The following CHRM2 variants were observed in gnomAD, a reference collection of about 807,000 sequenced individuals.
CHRM2 encodes the protein cholinergic receptor muscarinic 2, also known as muscarinic acetylcholine receptor M2.
A neutral mutation model predicts 25.0 loss-of-function variants in CHRM2; 8 were observed. The ratio of observed to expected loss-of-function variants is 0.32; its 90% CI spans 0.19 to 0.58. The LOEUF (loss-of-function observed/expected upper bound fraction) is 0.58. Among genes scored for constraint, CHRM2 ranks in the 20% least tolerant of loss-of-function variants. The pLI is 0.88. For missense variants in CHRM2, 440 were observed against 567.1 expected (o/e 0.78, Z 2.28); for synonymous variants, 202 against 205.7 (o/e 0.98, Z 0.15).
At chr7:136,898,881 T>C (rs1208735852) in intron 2 of CHRM2, 1 of 152,048 alleles carries the variant, frequency 6.6e-6, no homozygotes, top group Non-Finnish European at 1.5e-5. Flanking sequence ...AAATCTGGTT[T>C]CTAACATAAG....
chr7:137,002,628 T>C (rs970398604), intron 3 of CHRM2, among the ~76,000 whole-genome samples: 1 of 152,194 alleles, frequency 6.6e-6, no homozygotes, highest in African/African-American at 2.4e-5. Context: ...ATTGAAGATA[T>C]CATTTCAGCA....
At chr7:137,005,662 A>G (rs903793431) in intron 3 of CHRM2, among the ~76,000 whole-genome samples, 1 of 152,114 alleles carries the variant, frequency 6.6e-6, no homozygotes, top group Non-Finnish European at 1.5e-5. Context: ...ATGGGCACAT[A>G]GACCATTGAA....
At chr7:136,930,898 CAAAAAAAAAAAAA>C (rs57705639) in intron 2 of CHRM2, among the ~76,000 whole-genome samples, 19,926 of 61,770 alleles carry the variant, frequency 0.32, 2,516 homozygotes, top group African/African-American at 0.42. Context: ...CTCATTCTCT[CAAAAAAAAAAAAA>C]AAAAAAAAAA....
At chr7:136,873,376 A>G (rs139189935) in intron 2 of CHRM2, among the ~76,000 whole-genome samples, 1 of 152,224 alleles carries the variant, frequency 6.6e-6, no homozygotes, top group Non-Finnish European at 1.5e-5. Context: ...CCTTGGCATT[A>G]TTCTAAGCAT....
At chr7:136,925,016 AG>A (rs1201064851) in intron 2 of CHRM2, among the ~76,000 whole-genome samples, 1 of 152,178 alleles carries the variant, frequency 6.6e-6, no homozygotes, top group African/African-American at 2.4e-5. Flanking sequence ...ACTGAATACA[AG>A]GTATTGTGTG....
intron 2 of CHRM2, among the ~76,000 whole-genome samples, chr7:136,907,324 C>T (rs1797610586): frequency 6.6e-6 from 1 of 151,908 alleles, no homozygotes; most frequent in African/African-American, 2.4e-5. Flanking sequence ...TGTGTATTAG[C>T]CAGTTCATAA....
At chr7:136,906,073 T>A (rs1797522963) in intron 2 of CHRM2, among the ~76,000 whole-genome samples, 1 of 151,192 alleles carries the variant, frequency 6.6e-6, no homozygotes, top group Non-Finnish European at 1.5e-5. Flanking sequence ...ATAATTTTTT[T>A]ATATATGTAA....
chr7:136,881,344 T>G (rs545913418), intron 2 of CHRM2, among the ~76,000 whole-genome samples: 1 of 151,926 alleles, frequency 6.6e-6, no homozygotes, highest in South Asian at 2.1e-4. Flanking sequence ...CCCTTCTTTT[T>G]AGCACTGAAT....
intron 3 of CHRM2, among the ~76,000 whole-genome samples, chr7:137,006,640 ATTTTC>A (rs1467264213): frequency 6.6e-6 from 1 of 151,800 alleles, no homozygotes; most frequent in African/African-American, 2.4e-5. Context: ...CTGTTCTATA[ATTTTC>A]TTTTACATTT....
chr7:136,959,740 G>A (rs1358900402), intron 2 of CHRM2, among the ~76,000 whole-genome samples: 4 of 151,972 alleles, frequency 2.6e-5, no homozygotes, highest in Admixed American at 6.6e-5. Context: ...GGAGAAGCAC[G>A]ATCTCTACTA....
chr7:137,014,774 C>A (rs1805060288), intron 3 of CHRM2, 46 bp from the exon 4 acceptor site: 2 of 1,154,332 alleles, frequency 1.7e-6, no homozygotes, highest in Admixed American at 3.8e-5. Flanking sequence ...GTATTTTAAA[C>A]CAATGTTTAT....
At chr7:136,954,139 G>C (rs1800580325) in intron 2 of CHRM2, among the ~76,000 whole-genome samples, 1 of 152,114 alleles carries the variant, frequency 6.6e-6, no homozygotes, top group Non-Finnish European at 1.5e-5. Flanking sequence ...AAGAGGAAAT[G>C]ATCCAAGGCC....
intron 2 of CHRM2, chr7:136,903,219 G>A (rs370629030): frequency 3.7e-6 from 2 of 534,296 alleles, no homozygotes; most frequent in Non-Finnish European, 7.7e-6. Flanking sequence ...GGATCTCCAG[G>A]TGGGTCAAGT....
At chr7:136,997,882 G>C (rs1803711187) in intron 3 of CHRM2, among the ~76,000 whole-genome samples, 3 of 152,142 alleles carry the variant, frequency 2.0e-5, no homozygotes. Context: ...TAAGTCATCA[G>C]ATCACTATTT....
At chr7:136,944,214 A>G (rs567147097) in intron 2 of CHRM2, among the ~76,000 whole-genome samples, 2 of 152,122 alleles carry the variant, frequency 1.3e-5, no homozygotes, top group South Asian at 2.1e-4. Flanking sequence ...ACTGTACCCA[A>G]TGTGTCGTCT....
At chr7:136,883,958 T>C (rs1418155644) in intron 2 of CHRM2, among the ~76,000 whole-genome samples, 3 of 152,192 alleles carry the variant, frequency 2.0e-5, no homozygotes, top group Non-Finnish European at 4.4e-5. Context: ...CCAGATATTC[T>C]GGAAATATAA....
chr7:136,932,720 T>C (rs1799177989), intron 2 of CHRM2, among the ~76,000 whole-genome samples: 1 of 152,196 alleles, frequency 6.6e-6, no homozygotes, highest in African/African-American at 2.4e-5. Context: ...GTCTGATTTA[T>C]TGGATATGAC....
chr7:136,960,651 G>A (rs1801013939), intron 2 of CHRM2, among the ~76,000 whole-genome samples: 1 of 152,304 alleles, frequency 6.6e-6, no homozygotes, highest in Non-Finnish European at 1.5e-5. Context: ...CTGCTAACAT[G>A]AGATTTGACA....
chr7:137,018,606 G>A lies in CHRM2; in HGVS notation c.*2340G>A, dbSNP rs1805294400. The A allele has an allele frequency of 6.6e-6, 1 of 151,764 alleles. No individual in the cohort carries two copies. Among genetic ancestry groups the A allele is most frequent in the African/African-American group, 2.4e-5 (1 of 41,370 alleles). The allele number at this position is 151,764 out of a possible 1,614,324, so 9.4% of individuals were successfully genotyped here. On this transcript the variant is annotated 3_prime_UTR_variant, in exon 4 of 4. Coordinates refer to ENST00000680005, the MANE Select transcript of CHRM2 (RefSeq NM_001006630.2). ...TTTGGCATCCAGGATTCAGGATTCAGGGTCTTTTTTTGTTTGCTCTAATAA... is the reference window on the plus strand; with the variant it reads ...TTTGGCATCCAGGATTCAGGATTCAAGGTCTTTTTTTGTTTGCTCTAATAA...
Sources: gnomAD v4.1 joint callset for allele counts (sites outside exome capture counted in the v4.1 genomes callset) on GRCh38, gnomAD v4.1.1 for gene constraint, MANE v1.5 for transcripts, NCBI Gene and HGNC (gene_info 2026-07-23, HGNC 2026-07-21) for gene names.